The following RAD51B variants were observed in gnomAD, a reference collection of about 807,000 sequenced individuals.
The protein encoded by RAD51B is DNA repair protein RAD51 homolog 2.
Under a neutral mutation model 42.2 loss-of-function variants are expected in RAD51B, and 38 were observed. The observed-to-expected ratio is 0.90, with a 90% CI of 0.70 to 1.18. The LOEUF is 1.18. RAD51B is among the 50% of genes most tolerant of loss of function. RAD51B has a pLI of 0.00. For missense variants in RAD51B, 373 were observed against 400.7 expected, an observed-to-expected ratio of 0.93 and a Z score of 0.59; for synonymous variants, 154 against 145.2, an observed-to-expected ratio of 1.06 and a Z score of -0.43.
intron 7 of RAD51B, among the ~76,000 whole-genome samples, chr14:68,058,493 G>A (rs1307193207): frequency 6.6e-6 from 1 of 152,090 alleles, no homozygotes; most frequent in Non-Finnish European, 1.5e-5. Context: ...AAGATAATCT[G>A]TGCACAAACA....
Position 68,565,586 on chromosome 14 carries a change from G to A in RAD51B, c.1037-28899G>A, listed in dbSNP as rs529874446. ...TTTTGCAATAATTCTCAAGAGCTGG[G>A]AAGAAGTATAGCCAGATTTCAATAC... On this transcript the variant is annotated intron_variant, in intron 10 of 10. Coordinates refer to the RAD51B transcript ENST00000487270. This position sits in a 1 kb window ranked among gnomAD's most constrained non-coding sequence, Gnocchi z 4.1. Among the ~76,000 whole-genome samples, 43 of 152,314 alleles carry A rather than the reference G, an allele frequency of 2.8e-4. 1 individual carries two copies. Among genetic ancestry groups the A allele is most frequent in the African/African-American group, 9.6e-4 (40 of 41,556 alleles).
At chr14:68,315,930 C>A (rs2082052924) in intron 8 of RAD51B, among the ~76,000 whole-genome samples, 1 of 152,210 alleles carries the variant, frequency 6.6e-6, no homozygotes, top group Non-Finnish European at 1.5e-5. Flanking sequence ...TAGGGCTTAT[C>A]TGAATGAGAA....
At chr14:68,013,565 T>G (rs1194727438) in intron 7 of RAD51B, among the ~76,000 whole-genome samples, 5 of 152,218 alleles carry the variant, frequency 3.3e-5, no homozygotes, top group Non-Finnish European at 7.3e-5. Flanking sequence ...CTGTAAATAC[T>G]AAACAAATAT....
At chr14:68,150,074 A>G (rs145320038) in intron 7 of RAD51B, among the ~76,000 whole-genome samples, 1 of 152,004 alleles carries the variant, frequency 6.6e-6, no homozygotes, top group Non-Finnish European at 1.5e-5. Context: ...CCTCCCAAGT[A>G]GTTGGGATTA....
intron 7 of RAD51B, 154 bp downstream of exon 7, chr14:67,887,358 T>C: frequency 3.7e-6 from 2 of 542,136 alleles, no homozygotes; most frequent in Non-Finnish European, 6.3e-6. Context: ...ATAGCAAACA[T>C]CGCCATCATC....
intron 10 of RAD51B, among the ~76,000 whole-genome samples, chr14:68,620,267 C>G (rs1891918013): frequency 6.6e-6 from 1 of 152,172 alleles, no homozygotes; most frequent in Non-Finnish European, 1.5e-5. Flanking sequence ...ACCCAGGAGT[C>G]CAGAGATTCC....
chr14:67,975,618 G>C (rs1339284627), intron 7 of RAD51B, among the ~76,000 whole-genome samples: 1 of 152,218 alleles, frequency 6.6e-6, no homozygotes, highest in African/African-American at 2.4e-5. Context: ...CGTGCTGGAA[G>C]ATTTATGGAC....
chr14:67,829,523 T>C (rs1375569828), intron 3 of RAD51B, among the ~76,000 whole-genome samples: 1 of 152,186 alleles, frequency 6.6e-6, no homozygotes, highest in Non-Finnish European at 1.5e-5. Context: ...ATTACAGGCG[T>C]GAGCCACTGT....
chr14:68,473,912 T>C (rs569507739), intron 10 of RAD51B, among the ~76,000 whole-genome samples: 111 of 152,354 alleles, frequency 7.3e-4, no homozygotes, highest in Middle Eastern at 3.4e-3. Flanking sequence ...TGATTTTGAG[T>C]GCATTCTGAA....
intron 8 of RAD51B, among the ~76,000 whole-genome samples, chr14:68,365,501 G>A (rs2083124014): frequency 6.6e-6 from 1 of 152,210 alleles, no homozygotes; most frequent in Non-Finnish European, 1.5e-5. Context: ...ATTTCATCTG[G>A]AGAAACTGAG....
At chr14:68,551,701 TTA>T (rs1267931697) in intron 10 of RAD51B, among the ~76,000 whole-genome samples, 1 of 152,244 alleles carries the variant, frequency 6.6e-6, no homozygotes, top group East Asian at 1.9e-4. Flanking sequence ...CAGTAGATGC[TTA>T]TTTTAGACTG....
At chr14:67,990,757 A>AT (rs529156953) in intron 7 of RAD51B, among the ~76,000 whole-genome samples, 9 of 152,140 alleles carry the variant, frequency 5.9e-5, no homozygotes, top group South Asian at 4.1e-4. Context: ...GTACTTTGGG[A>AT]TTTTTTTTAA....
chr14:67,989,869 C>T (rs554553630), intron 7 of RAD51B, among the ~76,000 whole-genome samples: 84 of 152,006 alleles, frequency 5.5e-4, no homozygotes, highest in Non-Finnish European at 9.9e-4. Context: ...CCAATTTAGG[C>T]AGTTTTATTC....
intron 10 of RAD51B, among the ~76,000 whole-genome samples, chr14:68,521,798 T>A (rs1173706711): frequency 6.6e-6 from 1 of 152,226 alleles, no homozygotes; most frequent in Non-Finnish European, 1.5e-5. Flanking sequence ...GAGTGGTTCC[T>A]TTGGCACCAG....
chr14:67,830,643 A>T (rs988517147), intron 3 of RAD51B, among the ~76,000 whole-genome samples: 18 of 151,980 alleles, frequency 1.2e-4, no homozygotes, highest in African/African-American at 4.1e-4. Context: ...CAAGCAATCC[A>T]CCCACCTCAG....
intron 3 of RAD51B, among the ~76,000 whole-genome samples, chr14:67,826,738 G>A (rs1431260996): frequency 6.6e-6 from 1 of 151,012 alleles, no homozygotes; most frequent in Non-Finnish European, 1.5e-5. Flanking sequence ...GCTGGAGTAC[G>A]GTGGTGTGAT....
At chr14:68,103,768 G>A (rs762672233) in intron 7 of RAD51B, among the ~76,000 whole-genome samples, 2 of 152,138 alleles carry the variant, frequency 1.3e-5, no homozygotes, top group Non-Finnish European at 2.9e-5. Flanking sequence ...CTTCAGATAA[G>A]GAGGAGACAA....
chr14:67,890,381 A>ATT (rs537879194), intron 7 of RAD51B, among the ~76,000 whole-genome samples: 1 of 147,360 alleles, frequency 6.8e-6, no homozygotes, highest in Non-Finnish European at 1.5e-5. Context: ...CAGTTTGGGG[A>ATT]TTTTTTTTTT....
At chr14:68,121,668 T>TA (rs1310692677) in intron 7 of RAD51B, among the ~76,000 whole-genome samples, 4 of 151,536 alleles carry the variant, frequency 2.6e-5, no homozygotes, top group South Asian at 2.1e-4. Context: ...AAATTAGAAA[T>TA]AAAAAAAACT....
Sources: gnomAD v4.1 joint callset for allele counts (sites outside exome capture counted in the v4.1 genomes callset) on GRCh38, gnomAD v4.1.1 for gene constraint, Gnocchi (gnomAD v3.1) non-coding constraint, MANE v1.5 for transcripts, NCBI Gene and HGNC (gene_info 2026-07-23, HGNC 2026-07-21) for gene names.